PTGFR: variants seen among roughly 807,000 people sequenced by gnomAD.
PTGFR encodes prostaglandin F2-alpha receptor.
Under a neutral mutation model 26.2 loss-of-function variants are expected in PTGFR, and 15 were observed. The observed-to-expected ratio is 0.57, with a 90% confidence interval of 0.38 to 0.88. The LOEUF (loss-of-function observed/expected upper bound fraction) is 0.88. Among genes scored for constraint, PTGFR ranks in the 40% least tolerant of loss-of-function variants. The pLI, the probability that PTGFR is intolerant of heterozygous loss-of-function variation, is 0.00. For synonymous variants in PTGFR, 165 were observed against 151.1 expected, an observed-to-expected ratio of 1.09 and a Z score of -0.68; for missense variants, 369 against 427.2, an observed-to-expected ratio of 0.86 and a Z score of 1.20.
Position 78,492,995 on chromosome 1 carries a change from T to G in PTGFR, c.252T>G (p.Asn84Lys). Residue 84 changes from asparagine to lysine, a missense_variant, in exon 2 of 3, where the codon AAT becomes AAG. Asn to Lys is a moderately conservative substitution (Grantham distance 94). Coordinates refer to ENST00000370757, the MANE Select transcript of PTGFR (RefSeq NM_000959.4). ...VITDFFGHLI[N>K]GAIAVFVYAS... ...CTGATTTCTTTGGCCATCTCATCAATGGAGCCATAGCAGTATTTGTATATG... is the reference window on the plus strand; with the variant it reads ...CTGATTTCTTTGGCCATCTCATCAAGGGAGCCATAGCAGTATTTGTATATG... 6.2e-7 allele frequency: 1 copy of G among 1,614,248 alleles called. No homozygotes were observed. The highest frequency in any genetic ancestry group is 8.5e-7 in the Non-Finnish European group (1 of 1,180,040).
At chr1:78,529,654 A>G (rs1162854866) in intron 2 of PTGFR, among the ~76,000 whole-genome samples, 2 of 152,210 alleles carry the variant, frequency 1.3e-5, no homozygotes, top group African/African-American at 2.4e-5. Flanking sequence ...TAATAAAATA[A>G]GGATAACTCT....
intron 2 of PTGFR, among the ~76,000 whole-genome samples, chr1:78,507,178 T>C (rs1018567567): frequency 6.6e-6 from 1 of 152,164 alleles, no homozygotes; most frequent in Admixed American, 6.5e-5. Flanking sequence ...CTGGAAAGAC[T>C]GTGGGTTTAG....
At chr1:78,498,748 C>T (rs531443521) in intron 2 of PTGFR, among the ~76,000 whole-genome samples, 1 of 152,104 alleles carries the variant, frequency 6.6e-6, no homozygotes, top group Non-Finnish European at 1.5e-5. Context: ...GTTCTATAGT[C>T]TTATATTAGA....
chr1:78,534,853 A>G (rs1650607624), intron 2 of PTGFR, among the ~76,000 whole-genome samples: 1 of 152,190 alleles, frequency 6.6e-6, no homozygotes, highest in South Asian at 2.1e-4. Flanking sequence ...GTGGTCCTGA[A>G]TTATCAATAT....
At chr1:78,521,971 T>G (rs1484773091) in intron 2 of PTGFR, among the ~76,000 whole-genome samples, 1 of 152,088 alleles carries the variant, frequency 6.6e-6, no homozygotes, top group Non-Finnish European at 1.5e-5. Context: ...GAAATCTGGG[T>G]GCATTCAACT....
At chr1:78,496,916 T>C (rs1249929749) in intron 2 of PTGFR, among the ~76,000 whole-genome samples, 1 of 136,018 alleles carries the variant, frequency 7.4e-6, no homozygotes, top group African/African-American at 2.8e-5. Flanking sequence ...TTATTATTAA[T>C]ATCTTGCTTT....
intron 2 of PTGFR, among the ~76,000 whole-genome samples, chr1:78,528,244 T>C (rs1650420348): frequency 7.9e-6 from 1 of 126,720 alleles, no homozygotes; most frequent in African/African-American, 3.1e-5. Flanking sequence ...TTAGGTATGC[T>C]GAAGAAAAAT....
In PTGFR at chr1:78,493,286, G is replaced by T; in HGVS notation, c.543G>T (p.Ala181=). Reference sequence around the variant, plus strand: ...GACATCGAGACTATAAAATTCAGGCGTCGAGGACCTGGTGTTTCTACAACA... The same window carrying T: ...GACATCGAGACTATAAAATTCAGGCTTCGAGGACCTGGTGTTTCTACAACA... ...ILGHRDYKIQ[A]SRTWCFYNTE... is the part of the protein sequence containing the mutation. The change falls in exon 2 of 3, where the codon GCG becomes GCT. Residue 181 remains alanine, a synonymous_variant. Transcript: ENST00000370757. 6 of 1,614,172 alleles carry T rather than the reference G, an allele frequency of 3.7e-6. No individual in the cohort carries two copies. Among genetic ancestry groups the T allele is most frequent in the South Asian group, 3.3e-5 (3 of 91,086 alleles).
intron 2 of PTGFR, among the ~76,000 whole-genome samples, chr1:78,496,437 A>G (rs1649554749): frequency 6.6e-6 from 1 of 152,146 alleles, no homozygotes; most frequent in African/African-American, 2.4e-5. Flanking sequence ...TCAATGCCCT[A>G]TTTCATACCA....
chr1:78,538,846 C>T lies in PTGFR; in HGVS notation c.*2159C>T, dbSNP rs1169187388. On this transcript the variant is annotated 3_prime_UTR_variant, in exon 3 of 3. Coordinates refer to ENST00000370757, the MANE Select transcript of PTGFR (RefSeq NM_000959.4). ...GTGTTTTCAGCTCTATTTCAAAACT[C>T]ATAACTAATCTTCAGAATTACTGAA... 5.3e-5 allele frequency: 8 copies of T among 151,964 alleles called. No individual in the cohort carries two copies. 9.4% of individuals were successfully genotyped at this position (151,964 alleles called of 1,614,324 possible).
At chr1:78,506,262 A>T (rs1649826146) in intron 2 of PTGFR, among the ~76,000 whole-genome samples, 1 of 151,892 alleles carries the variant, frequency 6.6e-6, no homozygotes, top group Non-Finnish European at 1.5e-5. Flanking sequence ...ATGGTAACTC[A>T]TTGTAGTTTG....
chr1:78,492,418 A>G (rs1368226586), intron 1 of PTGFR, among the ~76,000 whole-genome samples: 1 of 152,080 alleles, frequency 6.6e-6, no homozygotes, highest in Admixed American at 6.6e-5. Flanking sequence ...GGGGACATTC[A>G]GGAGGAGGAG....
chr1:78,526,991 C>G (rs1308889474), intron 2 of PTGFR, among the ~76,000 whole-genome samples: 3 of 152,106 alleles, frequency 2.0e-5, no homozygotes, highest in Non-Finnish European at 2.9e-5. Flanking sequence ...AATTTTCTCT[C>G]TAGTGGACCA....
chr1:78,512,016 C>T (rs1295433137), intron 2 of PTGFR, among the ~76,000 whole-genome samples: 1 of 152,186 alleles, frequency 6.6e-6, no homozygotes, highest in Non-Finnish European at 1.5e-5. Context: ...ACCTTCACTC[C>T]AATTCCTAAT....
intron 2 of PTGFR, chr1:78,497,852 G>GT: frequency 6.6e-7 from 1 of 1,515,062 alleles, no homozygotes; most frequent in Non-Finnish European, 9.2e-7. Flanking sequence ...AAGGCCATAT[G>GT]TTTGTTTTAC....
intron 2 of PTGFR, among the ~76,000 whole-genome samples, chr1:78,499,941 G>A (rs908859707): frequency 6.6e-6 from 1 of 152,142 alleles, no homozygotes; most frequent in South Asian, 2.1e-4. Flanking sequence ...AATCACTCAA[G>A]TATTGAATGG....
chr1:78,540,446 A>C lies in PTGFR; in HGVS notation c.*3759A>C, dbSNP rs1650768975. On this transcript the variant is annotated 3_prime_UTR_variant, in exon 3 of 3. Transcript: ENST00000370757. ...TTAAAAGTTGTTTTAAACATTTAGAAACATCATGGCATAGAAACATTTAGG... is the reference window on the plus strand; with the variant it reads ...TTAAAAGTTGTTTTAAACATTTAGACACATCATGGCATAGAAACATTTAGG... Among the ~76,000 whole-genome samples the C allele has an allele frequency of 6.6e-6, 1 of 152,160 alleles. No homozygotes were observed. Among genetic ancestry groups the C allele is most frequent in the South Asian group, 2.1e-4 (1 of 4,830 alleles).
chr1:78,510,743 A>G (rs575592240), intron 2 of PTGFR, among the ~76,000 whole-genome samples: 7 of 152,278 alleles, frequency 4.6e-5, no homozygotes, highest in South Asian at 2.1e-4. Flanking sequence ...TGTCAACTCA[A>G]AAGTCCCAAA....
intron 1 of PTGFR, among the ~76,000 whole-genome samples, chr1:78,492,301 C>T (rs536889515): frequency 8.5e-5 from 13 of 152,312 alleles, no homozygotes; most frequent in Middle Eastern, 3.4e-3. Flanking sequence ...AGGTCTCTCT[C>T]TCTTTTTTAA....
Sources: gnomAD v4.1 joint callset for allele counts (sites outside exome capture counted in the v4.1 genomes callset) on GRCh38, gnomAD v4.1.1 for gene constraint, MANE v1.5 for transcripts, NCBI Gene and HGNC (gene_info 2026-07-23, HGNC 2026-07-21) for gene names.